PCNX1: variants seen among roughly 807,000 people sequenced by gnomAD.
PCNX1 encodes the protein pecanex 1.
PCNX1 carries 78 observed loss-of-function variants against 242.2 expected under a neutral mutation model. That is an observed-to-expected ratio of 0.32 (90% CI 0.27 to 0.39). The LOEUF is 0.39. Ranked by LOEUF, PCNX1 falls within the 10% of genes least tolerant of loss-of-function variation. PCNX1 has a pLI of 1.00. For synonymous variants in PCNX1, 1,024 were observed against 1,032.9 expected (o/e 0.99, Z 0.17); for missense variants, 2,581 against 2,856.5 (o/e 0.90, Z 2.20).
At chr14:70,934,675 C>G (rs2140189215) in intron 1 of PCNX1, among the ~76,000 whole-genome samples, 1 of 152,250 alleles carries the variant, frequency 6.6e-6, no homozygotes, top group Admixed American at 6.5e-5. Context: ...TCCAAACTTT[C>G]CCAGATCTTC....
intron 1 of PCNX1, among the ~76,000 whole-genome samples, chr14:70,934,877 T>C (rs1300179318): frequency 6.6e-6 from 1 of 152,082 alleles, no homozygotes; most frequent in Non-Finnish European, 1.5e-5. Flanking sequence ...ACAGGAAGGG[T>C]TTATGATCTA....
rs117952196 is a variant in PCNX1, at chr14:71,086,700, C to T, written c.5338-1630C>T. Among the ~76,000 whole-genome samples the T allele has an allele frequency of 8.1e-4, 123 of 152,310 alleles. No homozygotes were observed. The East Asian group carries it at 0.022, about 27-fold the overall frequency. On this transcript the variant is annotated intron_variant, in intron 28 of 35. Coordinates refer to ENST00000304743, the MANE Select transcript of PCNX1 (RefSeq NM_014982.3). ...GTTGCCGTAGATCTCCGAGTTCCCT[C>T]GCCTCCCTCTCTCAGTAGCTCTCTC...
chr14:71,053,296 G>C (rs1350243667), intron 24 of PCNX1: 1 of 450,892 alleles, frequency 2.2e-6, no homozygotes, highest in Non-Finnish European at 4.4e-6. Context: ...TTTTGAGACA[G>C]AGTTTTGCCC....
At chr14:70,973,804 A>T (rs758514322) in intron 5 of PCNX1, among the ~76,000 whole-genome samples, 1 of 152,194 alleles carries the variant, frequency 6.6e-6, no homozygotes, top group Non-Finnish European at 1.5e-5. Flanking sequence ...TGAAGAAAAA[A>T]TTTAGACCTC....
At chr14:71,026,668 G>T in intron 14 of PCNX1, 104 bp from the exon 15 acceptor site, 1 of 501,204 alleles carries the variant, frequency 2.0e-6, no homozygotes. Flanking sequence ...AAATTGCTTA[G>T]TAGTTTATGT....
chr14:71,071,371 C>T (rs992517742), intron 26 of PCNX1, among the ~76,000 whole-genome samples: 1 of 152,132 alleles, frequency 6.6e-6, no homozygotes, highest in Admixed American at 6.5e-5. Context: ...ACTTTTGGCC[C>T]ATCCTGGTGA....
intron 10 of PCNX1, 121 bp downstream of exon 10, chr14:71,011,670 A>G: frequency 1.6e-6 from 1 of 643,236 alleles, no homozygotes; most frequent in South Asian, 2.0e-5. Flanking sequence ...TTTTTTGAAA[A>G]CTATGGCAAA....
At chr14:70,989,308 A>G (rs1300605663) in intron 7 of PCNX1, among the ~76,000 whole-genome samples, 4 of 151,714 alleles carry the variant, frequency 2.6e-5, no homozygotes, top group Admixed American at 2.6e-4. Context: ...TAAATTTTTC[A>G]AGCTCTGTAT....
At position 70,978,238 on chromosome 14, in the gene PCNX1, A is replaced by G. The variant is rs369370068; in HGVS notation, c.1901A>G (p.Gln634Arg). The G allele has an allele frequency of 5.0e-6, 8 of 1,614,086 alleles. No homozygotes were observed. The highest frequency in any genetic ancestry group is 5.9e-6 in the Non-Finnish European group (7 of 1,180,008). ...SSSSTTSHSC[Q>R]SPEGRYSALK... The stretch of plus-strand genomic sequence containing the variant: ...TCTAGCACCACTTCTCATTCCTGTC[A>G]GTCTCCTGAGGGCAGATACAGTGCT... The change falls in exon 6 of 36, where the codon CAG (glutamine) becomes CGG (arginine). Residue 634 changes from glutamine (Q) to arginine (R), a missense_variant. Physicochemically the swap from Gln to Arg is conservative, Grantham distance 43. This residue lies in a region of PCNX1 where 1,204 missense variants were observed against 1,216.7 expected (regional missense o/e 0.99). Transcript: ENST00000304743.
chr14:71,055,527 A>G lies in PCNX1; in HGVS notation c.4601A>G (p.Asn1534Ser). ...DYNTKRVDHS[N>S]TRLASQLDRN... Reference sequence around the variant, plus strand: ...AGCACAAAACGAGTGGATCATTCAAATACCAGATTGGCTTCCCAGCTTGAT... The same window carrying G: ...AGCACAAAACGAGTGGATCATTCAAGTACCAGATTGGCTTCCCAGCTTGAT... The change falls in exon 25 of 36, where the codon AAT becomes AGT. Residue 1534 changes from asparagine to serine, a missense_variant. Asn to Ser is a conservative substitution (Grantham distance 46). Around this residue, in one of 9 missense-constraint regions of PCNX1, gnomAD observed 99 missense variants for 147.3 expected, o/e 0.67. Transcript: ENST00000304743. The G allele has an allele frequency of 6.2e-7, 1 of 1,606,854 alleles. No homozygotes were observed. The highest frequency in any genetic ancestry group is 8.5e-7 in the Non-Finnish European group (1 of 1,174,174).
chr14:70,961,553 G>A (rs2058214916), intron 2 of PCNX1, among the ~76,000 whole-genome samples: 1 of 152,184 alleles, frequency 6.6e-6, no homozygotes, highest in Non-Finnish European at 1.5e-5. Flanking sequence ...CTTCTCCAGT[G>A]CTTTGAACCT....
chr14:70,974,152 G>T (rs896992579), intron 5 of PCNX1, among the ~76,000 whole-genome samples: 1 of 149,264 alleles, frequency 6.7e-6, no homozygotes, highest in Non-Finnish European at 1.5e-5. Context: ...GCTAACTGTG[G>T]TATATCACTT....
intron 30 of PCNX1, among the ~76,000 whole-genome samples, chr14:71,092,145 G>T (rs1409919622): frequency 2.6e-5 from 4 of 152,334 alleles, no homozygotes; most frequent in Middle Eastern, 3.4e-3. Context: ...TGCAACTGTG[G>T]TTGCCCACCA....
chr14:70,927,779 A>G (rs1285528186), intron 1 of PCNX1, among the ~76,000 whole-genome samples: 1 of 151,824 alleles, frequency 6.6e-6, no homozygotes, highest in Non-Finnish European at 1.5e-5. Flanking sequence ...TAGTAGAGAC[A>G]GTTTCACCAT....
chr14:71,024,103 A>C (rs1047383937), intron 13 of PCNX1, among the ~76,000 whole-genome samples: 1 of 152,156 alleles, frequency 6.6e-6, no homozygotes, highest in Non-Finnish European at 1.5e-5. Context: ...CCAAGTTAAC[A>C]TTTATGATAT....
At chr14:70,936,943 T>C (rs562090891) in intron 1 of PCNX1, among the ~76,000 whole-genome samples, 43 of 152,346 alleles carry the variant, frequency 2.8e-4, no homozygotes, top group Non-Finnish European at 5.4e-4. Context: ...TTGAGAAGTG[T>C]CTGTGTATAT....
chr14:71,115,006 T>A lies in PCNX1; in HGVS notation c.*5071T>A, dbSNP rs1382888823. 3.0e-5 allele frequency: 4 copies of A among 132,158 alleles called. No individual in the cohort carries two copies. The highest frequency in any genetic ancestry group is 8.3e-5 in the Admixed American group (1 of 12,112). 8.2% of individuals were successfully genotyped at this position (132,158 alleles called of 1,614,324 possible). A position where few individuals can be genotyped will look rare whatever the true frequency, so the allele number is the denominator to read the frequency against. ...TAAAAGCTTATAGTTTAAGTAAAAG[T>A]AAAATGTAAAAACTGATTAAACCTA... On this transcript the variant is annotated 3_prime_UTR_variant, in exon 36 of 36. Transcript: ENST00000304743.
Position 71,020,522 on chromosome 14 carries a change from T to C in PCNX1, c.3150+1360T>C, listed in dbSNP as rs181261880. On this transcript the variant is annotated intron_variant, in intron 12 of 35. Transcript: ENST00000304743. ...ATTGTGGTTTTGATTTGCATTTCTCTAATGACCATTAATGATGAGCTTTTT... is the reference window on the plus strand; with the variant it reads ...ATTGTGGTTTTGATTTGCATTTCTCCAATGACCATTAATGATGAGCTTTTT... Among the ~76,000 whole-genome samples the C allele has an allele frequency of 1.2e-4, 19 of 152,382 alleles. No individual in the cohort carries two copies. The East Asian group carries it at 3.5e-3, about 28-fold the overall frequency.
chr14:70,948,217 C>T (rs1015599907), intron 2 of PCNX1, among the ~76,000 whole-genome samples: 1 of 152,110 alleles, frequency 6.6e-6, no homozygotes, highest in Non-Finnish European at 1.5e-5. Flanking sequence ...GTGACCCATA[C>T]CCTATTCATA....
Sources: gnomAD v4.1 joint callset for allele counts (sites outside exome capture counted in the v4.1 genomes callset) on GRCh38, gnomAD v4.1.1 for gene constraint, gnomAD v4.1.1 regional missense constraint, MANE v1.5 for transcripts, NCBI Gene and HGNC (gene_info 2026-07-23, HGNC 2026-07-21) for gene names.